Variants in DST observed in about 807,000 individuals in gnomAD.
The protein encoded by DST is dystonin.
In DST, 253 loss-of-function variants were observed where a neutral mutation model predicts 875.2. The observed-to-expected ratio is 0.29, with a 90% CI of 0.26 to 0.32. The LOEUF (loss-of-function observed/expected upper bound fraction) is 0.32, where lower values mean the gene tolerates loss of function less well. Ranked by LOEUF, DST falls within the 10% of genes least tolerant of loss-of-function variation. The pLI is 1.00. For synonymous variants in DST, 3,124 were observed against 3,197.1 expected (o/e 0.98, Z 0.77); for missense variants, 8,287 against 9,111.6 (o/e 0.91, Z 3.68).
chr6:56,579,624 A>C (rs940248475), intron 49 of DST, among the ~76,000 whole-genome samples: 6 of 152,134 alleles, frequency 3.9e-5, no homozygotes, highest in Non-Finnish European at 5.9e-5. Context: ...ATGGCTCCTT[A>C]AGAAAGTGTG....
intron 69 of DST, among the ~76,000 whole-genome samples, chr6:56,525,031 T>A (rs1391717440): frequency 6.6e-6 from 1 of 152,084 alleles, no homozygotes; most frequent in Non-Finnish European, 1.5e-5. Flanking sequence ...CTGGCCACAG[T>A]TAATGACCTT....
chr6:56,469,123 G>C, intron 97 of DST, 124 bp from the exon 98 acceptor site: 1 of 560,738 alleles, frequency 1.8e-6, no homozygotes, highest in Middle Eastern at 4.4e-4. Context: ...GTTTAGAGAT[G>C]TGCAGGCACC....
At chr6:56,513,824 G>A (rs1434033987) in intron 72 of DST, among the ~76,000 whole-genome samples, 1 of 152,182 alleles carries the variant, frequency 6.6e-6, no homozygotes, top group Non-Finnish European at 1.5e-5. Flanking sequence ...GCTGTCATAG[G>A]AGTCCAGTCA....
intron 3 of DST, chr6:56,871,100 T>C (rs1776881753): frequency 5.4e-6 from 3 of 551,340 alleles, no homozygotes; most frequent in Non-Finnish European, 9.8e-6. Flanking sequence ...AAAACATATA[T>C]GGCTAATAAA....
intron 93 of DST, 79 bp downstream of exon 93, chr6:56,473,794 C>T (rs1006308529): frequency 1.2e-5 from 18 of 1,442,770 alleles, no homozygotes; most frequent in Non-Finnish European, 1.4e-5. Flanking sequence ...CAATTGCCCC[C>T]AAATTTCAAA....
chr6:56,471,203 G>T lies in DST; in HGVS notation c.22224C>A (p.His7408Gln). 6.2e-7 allele frequency: 1 copy of T among 1,605,234 alleles called. No homozygotes were observed. Among genetic ancestry groups the T allele is most frequent in the Non-Finnish European group, 8.5e-7 (1 of 1,175,064 alleles). ...WRKKYMRWMN[H>Q]KKSRVMDFFR... The stretch of plus-strand genomic sequence containing the variant: ...AGAAGTCCATCACTCGAGATTTCTT[G>T]TGATTCATCCATCGCATGTATTTTT... The change falls in exon 95 of 104, where the codon CAC becomes CAA. Residue 7408 changes from histidine to glutamine, a missense_variant. By Grantham distance (24) the His-to-Gln change is conservative. Around this residue, in one of 10 missense-constraint regions of DST, gnomAD observed 87 missense variants for 209.7 expected, o/e 0.41. Coordinates refer to ENST00000680361, the MANE Select transcript of DST (RefSeq NM_001374736.1).
chr6:56,935,806 T>G (rs1015759916), intron 2 of DST, among the ~76,000 whole-genome samples: 10 of 151,914 alleles, frequency 6.6e-5, no homozygotes, highest in African/African-American at 2.4e-4. Flanking sequence ...GTGCCTGTAG[T>G]CCCAGCTACT....
At chr6:56,617,876 G>A (rs1429322594) in intron 36 of DST, 4 of 891,536 alleles carry the variant, frequency 4.5e-6, no homozygotes, top group Non-Finnish European at 7.5e-6. Flanking sequence ...GAACTACAAT[G>A]AGCCAATCAC....
chr6:56,720,006 A>G (rs112669881), intron 5 of DST, among the ~76,000 whole-genome samples: 12,124 of 152,266 alleles, frequency 0.08, 1,502 homozygotes, highest in African/African-American at 0.27. Flanking sequence ...ATAACATCTT[A>G]TCAGGAGACA....
rs1394306212 is a variant in DST at position 56,504,003 on chromosome 6, C to G, written c.19560G>C (p.Glu6520Asp). 6.2e-7 allele frequency: 1 copy of G among 1,606,840 alleles called. No individual in the cohort carries two copies. The highest frequency in any genetic ancestry group is 8.5e-7 in the Non-Finnish European group (1 of 1,176,860). Reference protein sequence around the residue: ...DLETVKQQIEELKQFKSEAYQ... With the variant: ...DLETVKQQIEDLKQFKSEAYQ... ...AATTAGCCCCCACACATACCTTTAGCTCTTCAATCTGCTGCTTGACAGTTT... is the reference window on the plus strand; with the variant it reads ...AATTAGCCCCCACACATACCTTTAGGTCTTCAATCTGCTGCTTGACAGTTT... Residue 6520 changes from glutamate to aspartate, a missense_variant, in exon 78 of 104, where the codon GAG becomes GAC. By Grantham distance (45) the Glu-to-Asp change is conservative. Around this residue, in one of 10 missense-constraint regions of DST, gnomAD observed 1,292 missense variants for 1,552.7 expected, o/e 0.83. Coordinates refer to ENST00000680361, the MANE Select transcript of DST (RefSeq NM_001374736.1).
chr6:56,805,316 C>T (rs1277412089), intron 4 of DST, among the ~76,000 whole-genome samples: 7 of 152,070 alleles, frequency 4.6e-5, no homozygotes, highest in African/African-American at 1.7e-4. Context: ...TGGAAAATCA[C>T]ATTCACTATT....
intron 5 of DST, among the ~76,000 whole-genome samples, chr6:56,721,563 G>A (rs913850537): frequency 4.6e-5 from 7 of 152,182 alleles, no homozygotes; most frequent in African/African-American, 1.2e-4. Flanking sequence ...GGCTTCAGCC[G>A]GTCCCTCCGT....
Position 56,592,288 on chromosome 6 carries a change from C to A in DST, c.12797G>T (p.Gly4266Val). 2.5e-6 allele frequency: 4 copies of A among 1,611,408 alleles called. No individual in the cohort carries two copies. Among genetic ancestry groups the A allele is most frequent in the Non-Finnish European group, 3.4e-6 (4 of 1,178,558 alleles). Reference protein sequence around the residue: ...KYQHYEDASCGLLAGLQACEA... With the variant: ...KYQHYEDASCVLLAGLQACEA... The stretch of plus-strand genomic sequence containing the variant: ...ACAGGCCTGGAGTCCAGCAAGAAGT[C>A]CACATGAAGCATCTTCATAGTGTTG... The change falls in exon 49 of 104, where the codon GGA (glycine) becomes GTA (valine). Residue 4266 changes from glycine (G) to valine (V), a missense_variant. Physicochemically the swap from Gly to Val is moderately radical, Grantham distance 109. Coordinates refer to ENST00000680361, the MANE Select transcript of DST (RefSeq NM_001374736.1).
intron 49 of DST, among the ~76,000 whole-genome samples, chr6:56,583,118 G>C (rs1441341506): frequency 6.6e-6 from 1 of 152,154 alleles, no homozygotes; most frequent in African/African-American, 2.4e-5. Context: ...CCCAGTAATG[G>C]GATGGCTGGG....
intron 98 of DST, chr6:56,466,984 T>C (rs2094605636): frequency 1.3e-5 from 2 of 152,208 alleles, no homozygotes; most frequent in Non-Finnish European, 2.9e-5. Context: ...ATAATGTAGA[T>C]ATGCTACAAA....
chr6:56,496,992 C>T (rs182120287), intron 82 of DST, among the ~76,000 whole-genome samples: 1 of 151,868 alleles, frequency 6.6e-6, no homozygotes, highest in East Asian at 1.9e-4. Flanking sequence ...GGAAGGGGAA[C>T]ATCACACTCT....
At chr6:56,475,618 C>T (rs2095148582) in intron 92 of DST, among the ~76,000 whole-genome samples, 1 of 152,164 alleles carries the variant, frequency 6.6e-6, no homozygotes. Context: ...ACAACACGTT[C>T]CCTTTTTCAT....
intron 4 of DST, among the ~76,000 whole-genome samples, chr6:56,766,371 C>G (rs1404610410): frequency 1.3e-5 from 2 of 152,126 alleles, no homozygotes; most frequent in East Asian, 1.9e-4. Flanking sequence ...CAAGTACTAA[C>G]CAGGCTAGAT....
At chr6:56,778,059 TC>T (rs1244266760) in intron 4 of DST, among the ~76,000 whole-genome samples, 1 of 152,150 alleles carries the variant, frequency 6.6e-6, no homozygotes, top group Non-Finnish European at 1.5e-5. Flanking sequence ...ATGTAAATAT[TC>T]CTTGGTTCAG....
Sources: gnomAD v4.1 joint callset for allele counts (sites outside exome capture counted in the v4.1 genomes callset) on GRCh38, gnomAD v4.1.1 for gene constraint, gnomAD v4.1.1 regional missense constraint, MANE v1.5 for transcripts, NCBI Gene and HGNC (gene_info 2026-07-23, HGNC 2026-07-21) for gene names.